Variants in GRIP1 observed in about 807,000 individuals in gnomAD.
The protein encoded by GRIP1 is glutamate receptor-interacting protein 1.
GRIP1 carries 45 observed loss-of-function variants against 129.9 expected under a neutral mutation model. That is an observed-to-expected ratio of 0.35 (90% CI 0.27 to 0.44). The LOEUF is 0.44. GRIP1 is among the 20% of genes least tolerant of loss of function. The probability of loss-of-function intolerance (pLI) is 1.00; values close to 1 mark genes in which losing one functional copy is unlikely to be tolerated. For synonymous variants in GRIP1, 530 were observed against 520.8 expected (o/e 1.02, Z -0.24); for missense variants, 1,196 against 1,396.8 (o/e 0.86, Z 2.29).
intron 19 of GRIP1, among the ~76,000 whole-genome samples, chr12:66,389,950 C>T (rs2056518185): frequency 6.6e-6 from 1 of 152,190 alleles, no homozygotes; most frequent in Non-Finnish European, 1.5e-5. Context: ...AACAGAGACC[C>T]AATAGCTGTC....
At chr12:66,761,540 CT>C (rs2136672055) in intron 1 of GRIP1, among the ~76,000 whole-genome samples, 1 of 152,134 alleles carries the variant, frequency 6.6e-6, no homozygotes, top group East Asian at 1.9e-4. Flanking sequence ...TCTTCTTTTC[CT>C]TGTTCCCCGT....
chr12:67,054,475 A>C (rs1235480773), intron 1 of GRIP1, among the ~76,000 whole-genome samples: 1 of 152,158 alleles, frequency 6.6e-6, no homozygotes, highest in Non-Finnish European at 1.5e-5. Flanking sequence ...AAAACACTAC[A>C]GCTGGGGGCC....
chr12:66,428,893 T>G (rs2058064116), intron 14 of GRIP1, among the ~76,000 whole-genome samples: 2 of 151,894 alleles, frequency 1.3e-5, no homozygotes, highest in South Asian at 4.1e-4. Context: ...GAAAGAGAGG[T>G]GGGCTGTGAG....
chr12:66,859,285 AAAAAAACAAAAAAAC>A, intron 1 of GRIP1, among the ~76,000 whole-genome samples: 2 of 14,736 alleles, frequency 1.4e-4, no homozygotes, highest in East Asian at 8.5e-3. Flanking sequence ...ACAAAAAAAC[AAAAAAACAAAAAAAC>A]AAAAAAAAAC....
At chr12:66,437,624 T>C (rs1387573156) in intron 13 of GRIP1, among the ~76,000 whole-genome samples, 1 of 152,176 alleles carries the variant, frequency 6.6e-6, no homozygotes, top group Non-Finnish European at 1.5e-5. Context: ...TTTAAGATAT[T>C]AGAGTATCCA....
chr12:66,970,886 T>C (rs779315178), intron 1 of GRIP1, among the ~76,000 whole-genome samples: 5 of 152,178 alleles, frequency 3.3e-5, no homozygotes, highest in Non-Finnish European at 7.3e-5. Flanking sequence ...TAAAGCCCTT[T>C]TCCTTGGAGA....
At chr12:66,658,146 C>T (rs2033277139) in intron 1 of GRIP1, among the ~76,000 whole-genome samples, 1 of 152,006 alleles carries the variant, frequency 6.6e-6, no homozygotes, top group African/African-American at 2.4e-5. Flanking sequence ...ATTTATACAA[C>T]TGATTTGTTA....
chr12:66,704,148 A>T (rs866799247), intron 1 of GRIP1, among the ~76,000 whole-genome samples: 1 of 152,126 alleles, frequency 6.6e-6, no homozygotes, highest in African/African-American at 2.4e-5. Flanking sequence ...ATCAATTTAC[A>T]TACATCACAC....
chr12:66,859,272 AAAACAAAAAAACAAAAAAACAAAAAAAC>A (rs756365843), intron 1 of GRIP1, among the ~76,000 whole-genome samples: 27,705 of 50,470 alleles, frequency 0.55, 5,847 homozygotes, highest in Non-Finnish European at 0.64. Flanking sequence ...AAAAAACAAA[AAAACAAAAAAACAAAAAAACAAAAAAAC>A]AAAAAAAAAC....
intron 1 of GRIP1, among the ~76,000 whole-genome samples, chr12:67,000,476 C>G (rs1443442358): frequency 6.6e-6 from 1 of 152,196 alleles, no homozygotes; most frequent in Admixed American, 6.6e-5. Context: ...GCCTCCAAAA[C>G]ATCTTTCAAA....
rs147741793 is a variant in GRIP1, at chr12:67,031,441, A to G, written c.58+37609T>C. Reference sequence around the variant, plus strand: ...CATATCCTGGCCTTCCTCACTAGACACCATCTTCCGCTATTACCCATTCTC... The same window carrying G: ...CATATCCTGGCCTTCCTCACTAGACGCCATCTTCCGCTATTACCCATTCTC... On this transcript the variant is annotated intron_variant, in intron 1 of 1. Transcript: ENST00000643019. 1.9e-3 allele frequency among the ~76,000 whole-genome samples: 295 copies of G among 152,208 alleles called. 9 individuals are homozygous for G. The highest frequency in any genetic ancestry group is 0.012 in the Admixed American group (183 of 15,274).
chr12:66,413,520 A>G (rs535322608), intron 15 of GRIP1, among the ~76,000 whole-genome samples: 1 of 152,236 alleles, frequency 6.6e-6, no homozygotes, highest in Non-Finnish European at 1.5e-5. Flanking sequence ...CAGAGGTACA[A>G]AGATGAGCTG....
chr12:66,590,188 G>A (rs1462094752), intron 2 of GRIP1, among the ~76,000 whole-genome samples: 1 of 152,094 alleles, frequency 6.6e-6, no homozygotes, highest in Admixed American at 6.5e-5. Context: ...GTGACAAAGG[G>A]GTACCCAAAC....
At chr12:66,892,595 T>TATAC (rs1236900382) in intron 1 of GRIP1, among the ~76,000 whole-genome samples, 1 of 151,540 alleles carries the variant, frequency 6.6e-6, no homozygotes, top group African/African-American at 2.4e-5. Flanking sequence ...TATATATATA[T>TATAC]ACACATATAT....
At chr12:66,534,238 C>G (rs2061544581) in intron 4 of GRIP1, among the ~76,000 whole-genome samples, 1 of 152,188 alleles carries the variant, frequency 6.6e-6, no homozygotes, top group Non-Finnish European at 1.5e-5. Flanking sequence ...CCTTTTCCAT[C>G]AGCTTTATTG....
chr12:66,858,369 A>G (rs560054715), intron 1 of GRIP1, among the ~76,000 whole-genome samples: 3 of 152,126 alleles, frequency 2.0e-5, no homozygotes, highest in Non-Finnish European at 4.4e-5. Context: ...TTTATGCTTA[A>G]GAAATTAAGA....
intron 2 of GRIP1, among the ~76,000 whole-genome samples, chr12:66,556,015 G>T (rs918657573): frequency 2.0e-5 from 3 of 152,060 alleles, no homozygotes; most frequent in African/African-American, 7.2e-5. Flanking sequence ...TATTCAAAGT[G>T]ATAATAACAG....
chr12:66,906,006 A>C (rs1196440012), intron 1 of GRIP1, among the ~76,000 whole-genome samples: 1 of 152,214 alleles, frequency 6.6e-6, no homozygotes, highest in African/African-American at 2.4e-5. Context: ...AAAAAAAAGG[A>C]TGTATTAAAT....
At chr12:66,861,015 G>A (rs575487963) in intron 1 of GRIP1, among the ~76,000 whole-genome samples, 77 of 152,158 alleles carry the variant, frequency 5.1e-4, no homozygotes, top group African/African-American at 1.8e-3. Context: ...GATAATATCA[G>A]TGTGGAGACT....
Sources: allele counts gnomAD v4.1 joint callset (sites outside exome capture counted in the v4.1 genomes callset), GRCh38; gene constraint gnomAD v4.1.1; transcripts MANE v1.5; gene names NCBI Gene and HGNC (gene_info 2026-07-23, HGNC 2026-07-21).